PSMG1: variants seen among roughly 807,000 people sequenced by gnomAD.
PSMG1 encodes Down syndrome critical region gene 2.
PSMG1 carries 23 observed loss-of-function variants against 37.2 expected under a neutral mutation model. The ratio of observed to expected loss-of-function variants is 0.62; its 90% CI spans 0.44 to 0.88. PSMG1 has a LOEUF of 0.88. Among genes scored for constraint, PSMG1 ranks in the 40% least tolerant of loss-of-function variants. The probability of loss-of-function intolerance (pLI) is 0.00; values close to 1 mark genes in which losing one functional copy is unlikely to be tolerated. For missense variants in PSMG1, 340 were observed against 344.2 expected (o/e 0.99, Z 0.10); for synonymous variants, 127 against 128.0 (o/e 0.99, Z 0.05).
chr21:39,181,926 T>C (rs1601189788), intron 1 of PSMG1, 48 bp from the exon 2 acceptor site: 1 of 1,322,616 alleles, frequency 7.6e-7, no homozygotes, highest in Non-Finnish European at 1.0e-6. Flanking sequence ...ATATAAACAG[T>C]ATCATGGCAA....
intron 6 of PSMG1, among the ~76,000 whole-genome samples, chr21:39,176,326 C>T (rs1253454104): frequency 6.6e-6 from 1 of 152,198 alleles, no homozygotes; most frequent in East Asian, 1.9e-4. Context: ...TTCCAAGTCT[C>T]TGAACAAGTC....
At chr21:39,175,696 G>A (rs756905542) in intron 6 of PSMG1, 32 bp from the exon 7 acceptor site, 3 of 1,403,740 alleles carry the variant, frequency 2.1e-6, no homozygotes, top group Non-Finnish European at 3.0e-6. Context: ...AATACAGTGA[G>A]ACCCCAGGGA....
intron 2 of PSMG1, among the ~76,000 whole-genome samples, 168 bp downstream of exon 2, chr21:39,181,604 C>T (rs1317257656): frequency 6.7e-6 from 1 of 149,904 alleles, no homozygotes; most frequent in Non-Finnish European, 1.5e-5. Context: ...AAAAACAAAA[C>T]AAAAAAAAAT....
upstream of PSMG1, chr21:39,183,457 TC>T (rs1220290659): frequency 6.8e-7 from 1 of 1,478,972 alleles, no homozygotes; most frequent in Non-Finnish European, 9.0e-7. Flanking sequence ...GAGACCACGC[TC>T]CCTCACCGCG....
At position 39,177,290 on chromosome 21, in the gene PSMG1, C is replaced by A. The variant is rs547125413; in HGVS notation, c.792+145G>T. ...CAGAAGAGATGATGACAATCAAATT[C>A]AAACTGCCAGACTAGAAAGCTTCGC... On this transcript the variant is annotated intron_variant, in intron 6 of 6. Transcript: ENST00000331573. 1.0e-4 allele frequency: 76 copies of A among 740,976 alleles called. No individual in the cohort carries two copies. In the African/African-American group the frequency reaches 1.3e-3, roughly 13 times the overall value. 45.9% of individuals were successfully genotyped at this position (740,976 alleles called of 1,614,324 possible).
chr21:39,183,367 C>G lies in PSMG1; in HGVS notation c.19G>C (p.Gly7Arg). The G allele has an allele frequency of 1.3e-6, 2 of 1,574,376 alleles. No homozygotes were observed. Among genetic ancestry groups the G allele is most frequent in the Non-Finnish European group, 1.7e-6 (2 of 1,164,014 alleles). The change falls in exon 1 of 7, where the codon GGA becomes CGA. Residue 7 changes from glycine to arginine, a missense_variant. By Grantham distance (125) the Gly-to-Arg change is moderately radical. Transcript: ENST00000331573. The part of the protein sequence containing the change: MAATFF[G>R]EVVKAPCRAG... ...CGGCACGGCGCCTTCACCACCTCTC[C>G]GAAGAACGTGGCCGCCATAGCCGCC...
At chr21:39,179,729 A>C (rs561301349) in intron 4 of PSMG1, among the ~76,000 whole-genome samples, 195 bp downstream of exon 4, 40 of 152,052 alleles carry the variant, frequency 2.6e-4, no homozygotes, top group African/African-American at 9.2e-4. Flanking sequence ...GGGAGGACAC[A>C]GAAGTATAAA....
rs145581162 is a variant in PSMG1, at chr21:39,179,951, T to A, written c.429A>T (p.Glu143Asp). 379 of 1,613,076 alleles carry A rather than the reference T, an allele frequency of 2.3e-4. 2 individuals carry two copies. Among genetic ancestry groups the A allele is most frequent in the Middle Eastern group, 6.6e-4 (4 of 6,082 alleles). Residue 143 changes from glutamate to aspartate, a missense_variant, in exon 4 of 7, where the codon GAA (glutamate) becomes GAT (aspartate). Coordinates refer to ENST00000331573, the MANE Select transcript of PSMG1 (RefSeq NM_003720.4). ...FLCQCSCYVA[E>D]DQQYQWLEKV... ...TTTCCAGCCACTGATACTGTTGATC[T>A]TCTGCAACATAGCAACTGCACTGAC...
At chr21:39,177,359 G>A in intron 6 of PSMG1, 76 bp downstream of exon 6, 1 of 1,324,970 alleles carries the variant, frequency 7.5e-7, no homozygotes, top group South Asian at 1.8e-5. Flanking sequence ...GGTTTAAAAT[G>A]ACAGTATACA....
rs927115805 is a variant in PSMG1, at chr21:39,179,112, G to A, written c.457-465C>T. ...CTCTCATGCTCTCGCCATGTGATCTGCCTGCTCCCCCTTCACCTTCCACCA... is the reference window on the plus strand; with the variant it reads ...CTCTCATGCTCTCGCCATGTGATCTACCTGCTCCCCCTTCACCTTCCACCA... On this transcript the variant is annotated intron_variant, in intron 4 of 6. Coordinates refer to ENST00000331573, the MANE Select transcript of PSMG1 (RefSeq NM_003720.4). Among the ~76,000 whole-genome samples the A allele has an allele frequency of 1.2e-4, 19 of 152,174 alleles. No individual in the cohort carries two copies. The East Asian group carries it at 3.3e-3, about 26-fold the overall frequency.
intron 6 of PSMG1, among the ~76,000 whole-genome samples, chr21:39,176,686 C>T (rs940923006): frequency 1.3e-5 from 2 of 152,168 alleles, no homozygotes; most frequent in Non-Finnish European, 1.5e-5. Context: ...TGGTCCATTA[C>T]CACAAGGAGC....
At chr21:39,176,367 C>T (rs968631021) in intron 6 of PSMG1, among the ~76,000 whole-genome samples, 2 of 152,228 alleles carry the variant, frequency 1.3e-5, no homozygotes, top group Non-Finnish European at 2.9e-5. Flanking sequence ...GTGTGCTACA[C>T]ACAGTCCTAC....
chr21:39,181,319 T>C (rs1487855985), intron 2 of PSMG1, among the ~76,000 whole-genome samples: 18 of 151,978 alleles, frequency 1.2e-4, no homozygotes. Context: ...TTATTTTTTG[T>C]AGAGATACGG....
upstream of PSMG1, chr21:39,183,467 C>A (rs74584861): frequency 3.1e-4 from 460 of 1,461,476 alleles, 1 homozygote; most frequent in African/African-American, 5.9e-3. Context: ...TCCCTCACCG[C>A]GCGGGCAATA....
intron 2 of PSMG1, among the ~76,000 whole-genome samples, chr21:39,181,550 G>A (rs2030827125): frequency 6.6e-6 from 1 of 151,626 alleles, no homozygotes; most frequent in African/African-American, 2.4e-5. Flanking sequence ...GAGGACAGGA[G>A]TGCAAGACCA....
chr21:39,180,385 C>T lies in PSMG1; in HGVS notation c.293G>A (p.Cys98Tyr). The T allele has an allele frequency of 1.2e-6, 2 of 1,608,776 alleles. 1 individual carries two copies. Among genetic ancestry groups the T allele is most frequent in the South Asian group, 2.2e-5 (2 of 89,818 alleles). The change falls in exon 3 of 7, where the codon TGT becomes TAT. Residue 98 changes from cysteine to tyrosine, a missense_variant. Coordinates refer to ENST00000331573, the MANE Select transcript of PSMG1 (RefSeq NM_003720.4). ...ACACCATTCATTCCAGAGTTTAGCA[C>T]AACCAACTTCCTCCCAGACTCCTGA... ...MNSGVWEEVG[C>Y]AKLWNEWCRT...
In PSMG1 at chr21:39,183,394, C is replaced by T. The variant is rs1180262943; in HGVS notation, c.-9G>A. The T allele has an allele frequency of 6.3e-7, 1 of 1,575,874 alleles. No homozygotes were observed. Among genetic ancestry groups the T allele is most frequent in the Non-Finnish European group, 8.6e-7 (1 of 1,165,888 alleles). ...AAGAACGTGGCCGCCATAGCCGCCC[C>T]GTGACCGGCTGGACACAACTGCAGC... On this transcript the variant is annotated 5_prime_UTR_variant, in exon 1 of 7. Coordinates refer to ENST00000331573, the MANE Select transcript of PSMG1 (RefSeq NM_003720.4).
In PSMG1 at chr21:39,177,578, AT is replaced by A; in HGVS notation, c.656-8del. On this transcript the variant is annotated splice_region_variant and splice_polypyrimidine_tract_variant and intron_variant, in intron 5 of 6. Coordinates refer to ENST00000331573, the MANE Select transcript of PSMG1 (RefSeq NM_003720.4). ...ACTTGACAGTAGCTTAGAACTATGA[AT>A]ACACAAGAAAAAAAAACGATGTAAG... is the stretch of plus-strand genomic sequence containing the variant. The A allele has an allele frequency of 6.6e-7, 1 of 1,516,386 alleles. No homozygotes were observed. The highest frequency in any genetic ancestry group is 2.4e-5 in the East Asian group (1 of 41,648). 93.9% of individuals were successfully genotyped at this position (1,516,386 alleles called of 1,614,324 possible).
At chr21:39,178,900 C>T (rs1312857158) in intron 4 of PSMG1, 2 of 457,426 alleles carry the variant, frequency 4.4e-6, no homozygotes, top group Admixed American at 3.6e-5. Context: ...AGATGCCTGT[C>T]CCCTCCAAAT....
Sources: allele counts gnomAD v4.1 joint callset (sites outside exome capture counted in the v4.1 genomes callset), GRCh38; gene constraint gnomAD v4.1.1; transcripts MANE v1.5; gene names NCBI Gene and HGNC (gene_info 2026-07-23, HGNC 2026-07-21).